Variants in HSPA12A observed in about 807,000 individuals in gnomAD.
HSPA12A encodes the protein heat shock protein family A (Hsp70) member 12A, also known as heat shock 70 kDa protein 12A.
In HSPA12A, 28 loss-of-function variants were observed where a neutral mutation model predicts 69.2. That is an observed-to-expected ratio of 0.40 (90% confidence interval 0.30 to 0.55). The LOEUF is 0.55. Ranked by LOEUF, HSPA12A falls within the 20% of genes least tolerant of loss-of-function variation. The pLI is 0.38. For synonymous variants in HSPA12A, 345 were observed against 370.5 expected (o/e 0.93, Z 0.79); for missense variants, 686 against 900.7 (o/e 0.76, Z 3.05).
At chr10:116,810,064 TAACA>T (rs1845146112) in intron 2 of HSPA12A, among the ~76,000 whole-genome samples, 1 of 152,166 alleles carries the variant, frequency 6.6e-6, no homozygotes, top group Non-Finnish European at 1.5e-5. Context: ...GAGCAGCGCT[TAACA>T]AATAAAACAC....
chr10:116,829,207 T>G (rs573575358), intron 2 of HSPA12A: 1 of 152,454 alleles, frequency 6.6e-6, no homozygotes, highest in East Asian at 1.9e-4. Context: ...TCTGACAGTT[T>G]TATAAATGGG....
At chr10:116,703,506 C>G (rs1850140364) in intron 3 of HSPA12A, among the ~76,000 whole-genome samples, 1 of 150,828 alleles carries the variant, frequency 6.6e-6, no homozygotes, top group Non-Finnish European at 1.5e-5. Flanking sequence ...TGCATTCCAG[C>G]CTGGGCAAAG....
At chr10:116,804,107 G>A (rs1374017934) in intron 2 of HSPA12A, among the ~76,000 whole-genome samples, 1 of 152,044 alleles carries the variant, frequency 6.6e-6, no homozygotes, top group East Asian at 1.9e-4. Flanking sequence ...CGCATTTATA[G>A]CCTTTGCTTC....
At chr10:116,733,339 G>A (rs938693693) in intron 1 of HSPA12A, among the ~76,000 whole-genome samples, 16 of 152,306 alleles carry the variant, frequency 1.1e-4, no homozygotes, top group African/African-American at 3.8e-4. Context: ...AGGCCTCAGA[G>A]GCAGCAGGCT....
chr10:116,707,049 C>T, intron 2 of HSPA12A, 151 bp downstream of exon 2: 1 of 655,942 alleles, frequency 1.5e-6, no homozygotes, highest in Non-Finnish European at 2.5e-6. Context: ...AACTTAATCT[C>T]CAACCAGTGA....
At chr10:116,789,252 T>C (rs549429681) in intron 2 of HSPA12A, among the ~76,000 whole-genome samples, 4 of 152,084 alleles carry the variant, frequency 2.6e-5, no homozygotes, top group African/African-American at 9.7e-5. Flanking sequence ...TACAAAATAA[T>C]ACGTATAGAA....
At chr10:116,825,897 C>T (rs1041885012) in intron 2 of HSPA12A, among the ~76,000 whole-genome samples, 10 of 152,216 alleles carry the variant, frequency 6.6e-5, no homozygotes, top group East Asian at 3.9e-4. Flanking sequence ...AAGAAGGATA[C>T]GAACAAACTG....
chr10:116,676,493 A>C lies in HSPA12A; in HGVS notation c.1296T>G (p.Phe432Leu). Residue 432 changes from phenylalanine (F) to leucine (L), a missense_variant, in exon 11 of 12, where the codon TTT (phenylalanine) becomes TTG (leucine). Coordinates refer to ENST00000369209, the MANE Select transcript of HSPA12A (RefSeq NM_025015.3). ...EHALRKSNVD[F>L]VKWSSQGMLR... The stretch of plus-strand genomic sequence containing the variant: ...GCATCCCCTGCGAGGACCACTTCAC[A>C]AAATCCACACTGCAGGAGCATAGCA... 1 of 1,613,632 alleles carries C rather than the reference A, an allele frequency of 6.2e-7. No individual in the cohort carries two copies. The highest frequency in any genetic ancestry group is 8.5e-7 in the Non-Finnish European group (1 of 1,179,784).
chr10:116,762,124 C>G (rs12262871), intron 2 of HSPA12A, among the ~76,000 whole-genome samples: 1 of 152,038 alleles, frequency 6.6e-6, no homozygotes, highest in Non-Finnish European at 1.5e-5. Flanking sequence ...CTTGTCCTCA[C>G]GGACCTTTGG....
In HSPA12A at chr10:116,707,238, C is replaced by A; in HGVS notation, c.88G>T (p.Asp30Tyr). ...GGGGACAGAGGCGTTATTCCTGTGT[C>A]CCCAAGACTCCGGGCTGGAGATGAA... ...AYSSPARSLG[D>Y]TGITPLSPSH... is the part of the protein sequence containing the mutation. The change falls in exon 2 of 12, where the codon GAC becomes TAC. Residue 30 changes from aspartate (D) to tyrosine (Y), a missense_variant. Transcript: ENST00000369209. 1 of 1,612,690 alleles carries A rather than the reference C, an allele frequency of 6.2e-7. No homozygotes were observed. The highest frequency in any genetic ancestry group is 8.5e-7 in the Non-Finnish European group (1 of 1,179,620).
chr10:116,823,822 A>G (rs1199201013), intron 2 of HSPA12A, among the ~76,000 whole-genome samples: 1 of 152,226 alleles, frequency 6.6e-6, no homozygotes, highest in Non-Finnish European at 1.5e-5. Flanking sequence ...AAATACAGAT[A>G]TAAGTCTTTG....
intron 2 of HSPA12A, among the ~76,000 whole-genome samples, chr10:116,775,904 T>G (rs1240006888): frequency 1.3e-5 from 2 of 152,064 alleles, no homozygotes; most frequent in Non-Finnish European, 2.9e-5. Context: ...TGGCACAGAC[T>G]CTCTTATGTG....
chr10:116,724,480 C>T (rs1850884541), intron 1 of HSPA12A, among the ~76,000 whole-genome samples: 1 of 152,074 alleles, frequency 6.6e-6, no homozygotes, highest in Admixed American at 6.5e-5. Flanking sequence ...AGAGAAGACC[C>T]CCTTCCCCAT....
At chr10:116,698,277 C>T (rs1247354935) in intron 5 of HSPA12A, 1 of 194,122 alleles carries the variant, frequency 5.2e-6, no homozygotes, top group Non-Finnish European at 1.1e-5. Flanking sequence ...TGTGTGTGGA[C>T]ATCTTCTTTC....
chr10:116,741,941 A>G (rs1343087919), intron 1 of HSPA12A, among the ~76,000 whole-genome samples: 1 of 152,144 alleles, frequency 6.6e-6, no homozygotes, highest in Non-Finnish European at 1.5e-5. Flanking sequence ...GGGGCGAGGG[A>G]ACAGGTCCAA....
chr10:116,680,780 T>C (rs1254432165), intron 9 of HSPA12A, among the ~76,000 whole-genome samples: 3 of 152,196 alleles, frequency 2.0e-5, no homozygotes, highest in African/African-American at 4.8e-5. Flanking sequence ...CCACCGCACT[T>C]GGCCAATGGT....
At chr10:116,711,943 T>C (rs1850447487) in intron 1 of HSPA12A, among the ~76,000 whole-genome samples, 2 of 152,092 alleles carry the variant, frequency 1.3e-5, no homozygotes, top group Admixed American at 1.3e-4. Context: ...GGCCTCGGCC[T>C]CCCAAACTGC....
chr10:116,825,081 G>A (rs1444530010), intron 2 of HSPA12A, among the ~76,000 whole-genome samples: 1 of 151,914 alleles, frequency 6.6e-6, no homozygotes, highest in East Asian at 2.0e-4. Flanking sequence ...CTAGCTACTG[G>A]GGGGCTGTGG....
chr10:116,730,007 A>G (rs985015948), intron 1 of HSPA12A, among the ~76,000 whole-genome samples: 1 of 152,162 alleles, frequency 6.6e-6, no homozygotes, highest in African/African-American at 2.4e-5. Flanking sequence ...ACATGGTGAA[A>G]CCTCATCTCT....
Sources: allele counts gnomAD v4.1 joint callset (sites outside exome capture counted in the v4.1 genomes callset), GRCh38; gene constraint gnomAD v4.1.1; transcripts MANE v1.5; gene names NCBI Gene and HGNC (gene_info 2026-07-23, HGNC 2026-07-21).